The following OCA2 variants were observed in gnomAD, a reference collection of about 807,000 sequenced individuals.
OCA2 encodes the protein P protein.
Under a neutral mutation model 100.2 loss-of-function variants are expected in OCA2, and 77 were observed. That is an observed-to-expected ratio of 0.77 (90% CI 0.64 to 0.93). The LOEUF is 0.93. OCA2 is among the 40% of genes least tolerant of loss of function. OCA2 has a pLI of 0.00. For synonymous variants in OCA2, 432 were observed against 439.2 expected, an observed-to-expected ratio of 0.98 and a Z score of 0.21; for missense variants, 1,062 against 1,089.1, an observed-to-expected ratio of 0.98 and a Z score of 0.35.
rs894354999 is a variant in OCA2, at chr15:27,969,547, G to A, written c.1504-2725C>T. 5.3e-5 allele frequency among the ~76,000 whole-genome samples: 8 copies of A among 152,182 alleles called. No individual in the cohort carries two copies. In the East Asian group the frequency reaches 1.5e-3, roughly 29 times the overall value. On this transcript the variant is annotated intron_variant, in intron 14 of 23. Transcript: ENST00000354638. Reference sequence around the variant, plus strand: ...ACCAGCACACTCACATCAATTCAGCGCCTAAATGCGCTCTTTCTGCTTCAA... The same window carrying A: ...ACCAGCACACTCACATCAATTCAGCACCTAAATGCGCTCTTTCTGCTTCAA...
At chr15:27,755,861 C>A (rs1345835278) in intron 23 of OCA2, among the ~76,000 whole-genome samples, 2 of 152,204 alleles carry the variant, frequency 1.3e-5, no homozygotes, top group Non-Finnish European at 2.9e-5. Flanking sequence ...TCCCAGAGAT[C>A]CCAGCTTCCA....
intron 19 of OCA2, among the ~76,000 whole-genome samples, chr15:27,893,586 G>T (rs537879738): frequency 1.3e-5 from 2 of 152,110 alleles, no homozygotes; most frequent in Non-Finnish European, 1.5e-5. Context: ...GCATTCCTGG[G>T]GGGAGGTCTA....
At chr15:27,914,643 T>G (rs1174696519) in intron 19 of OCA2, among the ~76,000 whole-genome samples, 1 of 151,954 alleles carries the variant, frequency 6.6e-6, no homozygotes, top group Non-Finnish European at 1.5e-5. Context: ...TACCTAGAAA[T>G]GTAGCTAACC....
intron 1 of OCA2, among the ~76,000 whole-genome samples, chr15:28,083,760 A>G (rs994080889): frequency 2.2e-4 from 33 of 152,236 alleles, no homozygotes; most frequent in Non-Finnish European, 4.1e-4. Flanking sequence ...ACTATGGAAG[A>G]AAGGAGAAAA....
intron 9 of OCA2, among the ~76,000 whole-genome samples, chr15:28,009,464 G>A (rs943586846): frequency 1.3e-5 from 2 of 152,132 alleles, no homozygotes; most frequent in African/African-American, 4.8e-5. Context: ...GAGGCAGGCA[G>A]ATCACTTGAG....
chr15:28,095,499 T>A (rs1007447015), intron 1 of OCA2, among the ~76,000 whole-genome samples: 3 of 152,118 alleles, frequency 2.0e-5, no homozygotes. Context: ...GACGGATCAC[T>A]TGAGGTCAGG....
chr15:27,787,505 T>C (rs925480037), intron 23 of OCA2, among the ~76,000 whole-genome samples: 2 of 152,096 alleles, frequency 1.3e-5, no homozygotes, highest in Non-Finnish European at 2.9e-5. Context: ...GTAGCCATTT[T>C]ATCTAAGTTG....
chr15:28,013,233 C>T (rs922476010), intron 9 of OCA2, among the ~76,000 whole-genome samples: 3 of 152,098 alleles, frequency 2.0e-5, no homozygotes, highest in Non-Finnish European at 4.4e-5. Context: ...GATAGAGCAG[C>T]TAATTAATCC....
chr15:27,877,085 A>C (rs547997073), intron 19 of OCA2, among the ~76,000 whole-genome samples: 1 of 151,960 alleles, frequency 6.6e-6, no homozygotes, highest in Admixed American at 6.6e-5. Context: ...TTTCATCAAC[A>C]TTTTGCTTTG....
intron 3 of OCA2, 93 bp from the exon 4 acceptor site, chr15:28,028,152 C>A: frequency 7.2e-7 from 1 of 1,391,678 alleles, no homozygotes; most frequent in East Asian, 2.3e-5. Context: ...GAAATGGCAC[C>A]GAATCAACCC....
intron 14 of OCA2, among the ~76,000 whole-genome samples, chr15:27,973,679 T>C (rs1171644724): frequency 6.6e-6 from 1 of 152,220 alleles, no homozygotes; most frequent in Non-Finnish European, 1.5e-5. Flanking sequence ...TCTTTTTTGG[T>C]TCCATATGAA....
intron 18 of OCA2, among the ~76,000 whole-genome samples, chr15:27,934,912 G>A (rs571652114): frequency 7.9e-5 from 12 of 152,214 alleles, no homozygotes; most frequent in African/African-American, 2.2e-4. Flanking sequence ...CAGAGCCAGC[G>A]GCACTAATCA....
At chr15:27,999,859 C>A (rs2041872957) in intron 9 of OCA2, among the ~76,000 whole-genome samples, 1 of 151,884 alleles carries the variant, frequency 6.6e-6, no homozygotes, top group Non-Finnish European at 1.5e-5. Flanking sequence ...GAAAATAATC[C>A]CATCTATAAT....
At chr15:27,946,276 A>G (rs1393099189) in intron 18 of OCA2, among the ~76,000 whole-genome samples, 1 of 152,192 alleles carries the variant, frequency 6.6e-6, no homozygotes, top group Non-Finnish European at 1.5e-5. Context: ...ATGGCCTGAG[A>G]AGGACTCTGT....
chr15:27,855,975 G>A (rs1201580268), intron 21 of OCA2, among the ~76,000 whole-genome samples: 6 of 151,896 alleles, frequency 4.0e-5, no homozygotes, highest in Admixed American at 6.6e-5. Context: ...CTTCATTGCC[G>A]CACGGCTCTG....
chr15:28,078,014 G>T (rs755206439), intron 2 of OCA2, among the ~76,000 whole-genome samples: 1 of 152,224 alleles, frequency 6.6e-6, no homozygotes, highest in Non-Finnish European at 1.5e-5. Flanking sequence ...GGGAGGCAGA[G>T]GTTGCAGTGA....
intron 15 of OCA2, among the ~76,000 whole-genome samples, chr15:27,961,797 G>A (rs576190213): frequency 8.5e-5 from 13 of 152,176 alleles, no homozygotes; most frequent in South Asian, 8.3e-4. Flanking sequence ...GGGGGCTGTC[G>A]GAGGGTTGGG....
Position 27,799,987 on chromosome 15 carries a change from T to TAGGG in OCA2, c.2433-44516_2433-44515insCCCT, listed in dbSNP as rs2033525864. ...AAACCTCACAGACTGCTGTAAGGATTTGGGTCATACAAGGTATCTTACCCA... is the reference window on the plus strand; with the variant it reads ...AAACCTCACAGACTGCTGTAAGGATTAGGGTGGGTCATACAAGGTATCTTACCCA... On this transcript the variant is annotated intron_variant, in intron 23 of 23. Coordinates refer to ENST00000354638, the MANE Select transcript of OCA2 (RefSeq NM_000275.3). Among the ~76,000 whole-genome samples, 13 of 152,272 alleles carry TAGGG rather than the reference T, an allele frequency of 8.5e-5. 1 individual carries two copies. In the South Asian group the frequency reaches 2.1e-3, roughly 24 times the overall value.
the OCA2 span, among the ~76,000 whole-genome samples, chr15:27,749,039 G>A: frequency 1.3e-4 from 20 of 151,996 alleles, no homozygotes; most frequent in Non-Finnish European, 1.8e-4. Context: ...AAGAGAATGG[G>A]GCTGAAGGAA....
Sources: gnomAD v4.1 joint callset for allele counts (sites outside exome capture counted in the v4.1 genomes callset) on GRCh38, gnomAD v4.1.1 for gene constraint, MANE v1.5 for transcripts, NCBI Gene and HGNC (gene_info 2026-07-23, HGNC 2026-07-21) for gene names.